FBXO4: variants seen among roughly 807,000 people sequenced by gnomAD.
FBXO4 encodes F-box protein 4.
A neutral mutation model predicts 43.7 loss-of-function variants in FBXO4; 36 were observed. The observed-to-expected ratio is 0.82, with a 90% CI of 0.63 to 1.09. The LOEUF is 1.09. FBXO4 is among the 50% of genes least tolerant of loss of function. The probability of loss-of-function intolerance (pLI) is 0.00; values close to 1 mark genes in which losing one functional copy is unlikely to be tolerated. For missense variants in FBXO4, 435 were observed against 474.1 expected (o/e 0.92, Z 0.77); for synonymous variants, 180 against 165.6 (o/e 1.09, Z -0.67).
chr5:42,010,284 G>T, the FBXO4 span, among the ~76,000 whole-genome samples: 1 of 152,116 alleles, frequency 6.6e-6, no homozygotes, highest in Non-Finnish European at 1.5e-5. Flanking sequence ...TGGATCACTA[G>T]GTCAGGAGTA....
chr5:42,019,161 A>C, the FBXO4 span, among the ~76,000 whole-genome samples: 1 of 152,206 alleles, frequency 6.6e-6, no homozygotes, highest in Non-Finnish European at 1.5e-5. Flanking sequence ...TAAATTTTAT[A>C]AAATTTAAGT....
chr5:41,974,449 G>A, the FBXO4 span, among the ~76,000 whole-genome samples: 58,280 of 151,774 alleles, frequency 0.38, 13,818 homozygotes, highest in African/African-American at 0.67. Flanking sequence ...TTTTTTCCCA[G>A]GTATGTTTTT....
At chr5:42,023,448 A>T in the FBXO4 span, among the ~76,000 whole-genome samples, 1 of 152,098 alleles carries the variant, frequency 6.6e-6, no homozygotes, top group Admixed American at 6.6e-5. Context: ...AGACAATCCT[A>T]GTAGCTTTGT....
At chr5:42,009,944 A>G in the FBXO4 span, among the ~76,000 whole-genome samples, 1 of 152,080 alleles carries the variant, frequency 6.6e-6, no homozygotes, top group African/African-American at 2.4e-5. Flanking sequence ...CTCTCCTTTC[A>G]TTATCTGGCA....
At chr5:41,980,982 G>C in the FBXO4 span, among the ~76,000 whole-genome samples, 1 of 151,672 alleles carries the variant, frequency 6.6e-6, no homozygotes, top group Non-Finnish European at 1.5e-5. Context: ...TTAAAAATTG[G>C]AAATACACTC....
At chr5:42,037,734 A>T in the FBXO4 span, among the ~76,000 whole-genome samples, 1 of 152,076 alleles carries the variant, frequency 6.6e-6, no homozygotes, top group Non-Finnish European at 1.5e-5. Flanking sequence ...GGGGAAGCTG[A>T]CTCAGCAAAG....
At chr5:41,985,841 T>A in the FBXO4 span, among the ~76,000 whole-genome samples, 1 of 152,168 alleles carries the variant, frequency 6.6e-6, no homozygotes, top group Admixed American at 6.5e-5. Flanking sequence ...CTCAAAAAAC[T>A]GTTAGCTTTT....
the FBXO4 span, among the ~76,000 whole-genome samples, chr5:41,985,097 C>T: frequency 6.6e-6 from 1 of 152,184 alleles, no homozygotes; most frequent in South Asian, 2.1e-4. Flanking sequence ...TGCATTCAGT[C>T]TCACACACTT....
chr5:42,038,826 T>A, the FBXO4 span, among the ~76,000 whole-genome samples: 1 of 152,088 alleles, frequency 6.6e-6, no homozygotes. Context: ...ATGAATTCAT[T>A]TTTTAAAGCT....
At chr5:42,018,554 C>CA in the FBXO4 span, among the ~76,000 whole-genome samples, 5 of 152,034 alleles carry the variant, frequency 3.3e-5, no homozygotes, top group Non-Finnish European at 7.4e-5. Context: ...CTTATTGTTT[C>CA]AAGTTTCTGT....
the FBXO4 span, among the ~76,000 whole-genome samples, chr5:41,974,175 G>C: frequency 6.6e-6 from 1 of 152,070 alleles, no homozygotes; most frequent in Non-Finnish European, 1.5e-5. Flanking sequence ...TTTTAAGATG[G>C]TATCCTTGGT....
chr5:41,960,242 A>G, the FBXO4 span, among the ~76,000 whole-genome samples: 1 of 151,966 alleles, frequency 6.6e-6, no homozygotes, highest in Admixed American at 6.6e-5. Context: ...TATTAGTTTT[A>G]ACAGTTTTTT....
chr5:41,952,215 T>G, the FBXO4 span: 5 of 156,454 alleles, frequency 3.2e-5, no homozygotes, highest in Admixed American at 1.3e-4. Context: ...CCCTTTAAGT[T>G]ATGCCACAAA....
the FBXO4 span, among the ~76,000 whole-genome samples, chr5:41,969,920 G>A: frequency 6.6e-6 from 1 of 152,062 alleles, no homozygotes; most frequent in East Asian, 1.9e-4. Context: ...ATTTTAAATA[G>A]AATTAAGTGT....
At chr5:41,967,976 C>T in the FBXO4 span, 8 of 478,170 alleles carry the variant, frequency 1.7e-5, no homozygotes, top group Non-Finnish European at 3.0e-5. Flanking sequence ...ACCAGAGCCA[C>T]GCTCAGGCAT....
rs1476938071 is a variant in FBXO4, at chr5:41,941,279, T to G, written c.1162T>G (p.Ter388GlyextTer12). The G allele has an allele frequency of 6.2e-7, 1 of 1,612,778 alleles. No individual in the cohort carries two copies. Among genetic ancestry groups the G allele is most frequent in the East Asian group, 2.2e-5 (1 of 44,814 alleles). ...AGAAGTGGAATCTAAGCGTGCAAGA[T>G]GATTCTCTTTTCAGATCTTGGGAAC... ...LEEVESKRAR[*>G] is the part of the protein sequence containing the mutation. Residue 388 changes from the stop codon to glycine (G), a stop_lost, in exon 7 of 7, where the codon TGA becomes GGA. Transcript: ENST00000281623.
the FBXO4 span, among the ~76,000 whole-genome samples, chr5:42,033,083 T>G: frequency 6.6e-6 from 1 of 152,160 alleles, no homozygotes; most frequent in Non-Finnish European, 1.5e-5. Context: ...TGAGCTGGTA[T>G]CCAAAATTCA....
chr5:41,996,239 A>C, the FBXO4 span, among the ~76,000 whole-genome samples: 1 of 152,214 alleles, frequency 6.6e-6, no homozygotes, highest in African/African-American at 2.4e-5. Flanking sequence ...GCTGCTGTGC[A>C]CGACCCACTT....
chr5:41,963,504 A>G, the FBXO4 span, among the ~76,000 whole-genome samples: 6 of 152,168 alleles, frequency 3.9e-5, no homozygotes, highest in African/African-American at 1.4e-4. Flanking sequence ...CTTAGCTACT[A>G]ATAACCTACT....
Sources: gnomAD v4.1 joint callset for allele counts (sites outside exome capture counted in the v4.1 genomes callset) on GRCh38, gnomAD v4.1.1 for gene constraint, MANE v1.5 for transcripts, NCBI Gene and HGNC (gene_info 2026-07-23, HGNC 2026-07-21) for gene names.